GRID1: variants seen among roughly 807,000 people sequenced by gnomAD.
The protein encoded by GRID1 is glutamate ionotropic receptor delta type subunit 1.
A neutral mutation model predicts 98.0 loss-of-function variants in GRID1; 28 were observed. The observed-to-expected ratio is 0.29, with a 90% CI of 0.21 to 0.39. The LOEUF is 0.39. Ranked by LOEUF, GRID1 falls within the 10% of genes least tolerant of loss-of-function variation. The pLI is 1.00. For missense variants in GRID1, 1,111 were observed against 1,340.5 expected (o/e 0.83, Z 2.67); for synonymous variants, 553 against 538.5 (o/e 1.03, Z -0.37).
At chr10:86,115,961 C>T (rs1019785819) in intron 4 of GRID1, among the ~76,000 whole-genome samples, 1 of 152,140 alleles carries the variant, frequency 6.6e-6, no homozygotes, top group Non-Finnish European at 1.5e-5. Flanking sequence ...CAAATACCAC[C>T]GTGTTACTAT....
chr10:86,008,985 G>A (rs1043726004), intron 4 of GRID1, among the ~76,000 whole-genome samples: 4 of 152,032 alleles, frequency 2.6e-5, no homozygotes, highest in African/African-American at 9.7e-5. Context: ...ACAGGAGAAT[G>A]GATTACAAAG....
chr10:86,268,211 T>C (rs1847133718), intron 2 of GRID1, among the ~76,000 whole-genome samples: 1 of 152,172 alleles, frequency 6.6e-6, no homozygotes, highest in South Asian at 2.1e-4. Flanking sequence ...CCCGGTATGC[T>C]CCCCAACTCC....
At chr10:86,355,092 G>A (rs1276813562) in intron 2 of GRID1, among the ~76,000 whole-genome samples, 1 of 152,340 alleles carries the variant, frequency 6.6e-6, no homozygotes, top group South Asian at 2.1e-4. Context: ...TCTTCACCCA[G>A]CCACTGCCCT....
intron 4 of GRID1, among the ~76,000 whole-genome samples, chr10:85,982,033 A>G (rs989191084): frequency 6.6e-6 from 1 of 152,132 alleles, no homozygotes; most frequent in East Asian, 1.9e-4. Flanking sequence ...ATGACAGGGA[A>G]CAGCCAGTGC....
chr10:85,803,180 G>A (rs1427180489), intron 8 of GRID1, among the ~76,000 whole-genome samples: 1 of 151,902 alleles, frequency 6.6e-6, no homozygotes, highest in Non-Finnish European at 1.5e-5. Context: ...AAAACAGTGT[G>A]ACTATAGACA....
chr10:85,890,658 C>T (rs572234617), intron 5 of GRID1, among the ~76,000 whole-genome samples: 10 of 152,174 alleles, frequency 6.6e-5, no homozygotes, highest in Admixed American at 4.6e-4. Flanking sequence ...AGCTCTTCCA[C>T]GGTGAGGTAA....
chr10:85,709,666 T>A (rs1841561325), intron 12 of GRID1, among the ~76,000 whole-genome samples: 1 of 152,208 alleles, frequency 6.6e-6, no homozygotes, highest in Admixed American at 6.5e-5. Context: ...TGGATTAGAA[T>A]TATTTTAATT....
At position 85,613,554 on chromosome 10, in the gene GRID1, G is replaced by A. The variant is rs1175614100; in HGVS notation, c.2454C>T (p.Ser818=). 18 of 1,614,052 alleles carry A rather than the reference G, an allele frequency of 1.1e-5. No individual in the cohort carries two copies. The South Asian group carries it at 1.3e-4, about 12-fold the overall frequency. Residue 818 remains serine, a synonymous_variant, in exon 15 of 16, where the codon AGC becomes AGT. Transcript: ENST00000327946. ...MGRCDLTSHA[S]AQADGKSLKL... is the part of the protein sequence containing the mutation. ...TGAGGGATTTGCCGTCGGCCTGGGC[G>A]CTGGCATGGCTGGTGAGGTCACAGC...
chr10:86,093,690 T>A (rs73344063), intron 4 of GRID1, among the ~76,000 whole-genome samples: 1 of 151,818 alleles, frequency 6.6e-6, no homozygotes, highest in Non-Finnish European at 1.5e-5. Flanking sequence ...CAACAAGCAG[T>A]GGGATTGAAA....
chr10:86,327,974 T>G (rs1425256291), intron 2 of GRID1, among the ~76,000 whole-genome samples: 2 of 150,920 alleles, frequency 1.3e-5, no homozygotes, highest in Non-Finnish European at 3.0e-5. Context: ...TGGTTTGTTA[T>G]TGTGCAAATT....
intron 12 of GRID1, among the ~76,000 whole-genome samples, chr10:85,686,602 A>G (rs879298637): frequency 2.0e-5 from 3 of 152,178 alleles, no homozygotes; most frequent in Non-Finnish European, 4.4e-5. Context: ...TAAATTAGAT[A>G]CAGTTCAATA....
intron 2 of GRID1, among the ~76,000 whole-genome samples, chr10:86,353,219 G>A (rs1848486100): frequency 6.6e-6 from 1 of 152,220 alleles, no homozygotes. Flanking sequence ...GGCAAGGGGA[G>A]CACATGACCA....
At chr10:85,755,872 G>A (rs1842093022) in intron 8 of GRID1, among the ~76,000 whole-genome samples, 1 of 152,098 alleles carries the variant, frequency 6.6e-6, no homozygotes, top group African/African-American at 2.4e-5. Context: ...CAAGGAGGTG[G>A]GACTCATACC....
At chr10:86,348,650 C>G (rs1848421997) in intron 2 of GRID1, among the ~76,000 whole-genome samples, 1 of 152,224 alleles carries the variant, frequency 6.6e-6, no homozygotes, top group East Asian at 1.9e-4. Flanking sequence ...GCAAGAGTCC[C>G]AGCACATCCA....
At chr10:85,837,047 T>C (rs1564605425) in intron 8 of GRID1, among the ~76,000 whole-genome samples, 1 of 152,176 alleles carries the variant, frequency 6.6e-6, no homozygotes, top group Admixed American at 6.5e-5. Context: ...GGTTTTGCTT[T>C]ACTTGCCCTG....
chr10:85,854,394 G>C, intron 8 of GRID1, 102 bp downstream of exon 8: 3 of 1,012,238 alleles, frequency 3.0e-6, no homozygotes, highest in Admixed American at 1.8e-5. Flanking sequence ...GAGGATATCT[G>C]TGCTAGTTAA....
intron 6 of GRID1, among the ~76,000 whole-genome samples, chr10:85,864,853 C>T (rs896683004): frequency 5.9e-5 from 9 of 152,108 alleles, no homozygotes; most frequent in Admixed American, 5.9e-4. Context: ...ACCACATTAG[C>T]CCCCAAAGCT....
At chr10:86,017,464 TGC>T (rs1228117775) in intron 4 of GRID1, among the ~76,000 whole-genome samples, 1 of 152,208 alleles carries the variant, frequency 6.6e-6, no homozygotes, top group African/African-American at 2.4e-5. Flanking sequence ...GCCATCAGCA[TGC>T]GGAGACAGAA....
At chr10:85,713,926 G>T (rs1461104404) in intron 12 of GRID1, among the ~76,000 whole-genome samples, 2 of 151,890 alleles carry the variant, frequency 1.3e-5, no homozygotes, top group East Asian at 3.8e-4. Flanking sequence ...AGCATTTCCT[G>T]CAAGATCAGG....
Sources: allele counts gnomAD v4.1 joint callset (sites outside exome capture counted in the v4.1 genomes callset), GRCh38; gene constraint gnomAD v4.1.1; transcripts MANE v1.5; gene names NCBI Gene and HGNC (gene_info 2026-07-23, HGNC 2026-07-21).